The following TRIM49 variants were observed in gnomAD, a reference collection of about 807,000 sequenced individuals.
TRIM49 encodes tripartite motif-containing protein 49.
Under a neutral mutation model 27.4 loss-of-function variants are expected in TRIM49, and 5 were observed. That is an observed-to-expected ratio of 0.18 (90% CI 0.10 to 0.38). The LOEUF (loss-of-function observed/expected upper bound fraction) is 0.38, where lower values mean the gene tolerates loss of function less well. TRIM49 is among the 10% of genes least tolerant of loss of function. The probability of loss-of-function intolerance (pLI) is 1.00; values close to 1 mark genes in which losing one functional copy is unlikely to be tolerated. For synonymous variants in TRIM49, 69 were observed against 166.0 expected (o/e 0.42, Z 4.49); for missense variants, 188 against 487.5 (o/e 0.39, Z 5.79).
At chr11:89,787,913 G>C in the TRIM49 span, 9 of 390,190 alleles carry the variant, frequency 2.3e-5, no homozygotes. Flanking sequence ...GGCAGCTCCC[G>C]GGACCACCGG....
the TRIM49 span, among the ~76,000 whole-genome samples, chr11:89,774,174 G>A: frequency 2.0e-5 from 3 of 150,458 alleles, no homozygotes; most frequent in South Asian, 4.2e-4. Context: ...CTAATTTTTT[G>A]TATTTTTAGT....
At chr11:89,777,330 A>C in the TRIM49 span, 1 of 1,536,554 alleles carries the variant, frequency 6.5e-7, no homozygotes, top group Non-Finnish European at 8.8e-7. Context: ...GCTCTGAGTC[A>C]CCAGAGCACA....
chr11:89,773,862 G>T, the TRIM49 span, among the ~76,000 whole-genome samples: 1 of 135,952 alleles, frequency 7.4e-6, no homozygotes, highest in Non-Finnish European at 1.5e-5. Flanking sequence ...ACTTGAACTG[G>T]AGATGCAGAG....
At chr11:89,766,891 C>G in the TRIM49 span, 1 of 742,090 alleles carries the variant, frequency 1.3e-6, no homozygotes. Flanking sequence ...AGAGCCCAGT[C>G]CCAAGAGTTG....
At chr11:89,791,165 A>T in the TRIM49 span, among the ~76,000 whole-genome samples, 1 of 151,536 alleles carries the variant, frequency 6.6e-6, no homozygotes, top group African/African-American at 2.4e-5. Context: ...GAACAAATGA[A>T]TGAAATGAAG....
the TRIM49 span, among the ~76,000 whole-genome samples, chr11:89,784,302 G>A: frequency 3.5e-4 from 36 of 101,774 alleles, no homozygotes; most frequent in African/African-American, 2.2e-3. Context: ...GGTGTCCAGT[G>A]TTGTCCTTTT....
chr11:89,802,739 T>C (rs1480535543), intron 4 of TRIM49, among the ~76,000 whole-genome samples: 1 of 150,960 alleles, frequency 6.6e-6, no homozygotes, highest in Non-Finnish European at 1.5e-5. Flanking sequence ...TGAGTCTTTT[T>C]TCTGACCACC....
chr11:89,807,848 T>C (rs1389358247), intron 1 of TRIM49, among the ~76,000 whole-genome samples: 6 of 148,336 alleles, frequency 4.0e-5, no homozygotes, highest in Admixed American at 3.3e-4. Flanking sequence ...AATGCTGCTT[T>C]AGTACATTTA....
At chr11:89,770,623 G>A in the TRIM49 span, among the ~76,000 whole-genome samples, 20 of 142,188 alleles carry the variant, frequency 1.4e-4, no homozygotes, top group African/African-American at 5.8e-4. Flanking sequence ...ACTTTGGGAG[G>A]TCGAGGTGGG....
chr11:89,787,489 T>G, the TRIM49 span: 1 of 457,010 alleles, frequency 2.2e-6, no homozygotes, highest in South Asian at 2.7e-5. Flanking sequence ...CGGGCTCCCG[T>G]GAGGAATCCC....
intron 3 of TRIM49, 63 bp from the exon 4 acceptor site, chr11:89,803,856 T>C: frequency 1.2e-6 from 1 of 828,310 alleles, no homozygotes; most frequent in Non-Finnish European, 1.9e-6. Context: ...GGGCCCAGAA[T>C]GAGAGACAAA....
At chr11:89,767,860 G>C in the TRIM49 span, among the ~76,000 whole-genome samples, 5 of 136,158 alleles carry the variant, frequency 3.7e-5, no homozygotes, top group Admixed American at 6.8e-5. Flanking sequence ...ATTTGAAATT[G>C]AAACGTCCTG....
At chr11:89,772,203 T>G in the TRIM49 span, among the ~76,000 whole-genome samples, 738 of 138,464 alleles carry the variant, frequency 5.3e-3, 180 homozygotes, top group African/African-American at 0.023. Context: ...ATTTTCTTAA[T>G]ATTTTCTTTC....
At chr11:89,797,208 A>G (rs993077464), downstream of TRIM49, among the ~76,000 whole-genome samples, 9 of 151,238 alleles carry the variant, frequency 6.0e-5, no homozygotes, top group Admixed American at 1.3e-4. Context: ...ATTTTAGCCA[A>G]TCTTCTGTTG....
At chr11:89,769,236 C>T in the TRIM49 span, among the ~76,000 whole-genome samples, 7 of 131,654 alleles carry the variant, frequency 5.3e-5, 1 homozygote, top group Non-Finnish European at 1.1e-4. Flanking sequence ...CGCATCTGCT[C>T]TTTAGGTTTT....
In TRIM49 at chr11:89,805,122, A is replaced by G. The variant is rs1260455041; in HGVS notation, c.-4-649T>C. Among the ~76,000 whole-genome samples, 3 of 151,770 alleles carry G rather than the reference A, an allele frequency of 2.0e-5. No homozygotes were observed. The East Asian group carries it at 5.8e-4, about 29-fold the overall frequency. On this transcript the variant is annotated intron_variant, in intron 2 of 7. Transcript: ENST00000329758. ...GAAAAAGACTGCAATTAAACTAATC[A>G]AGTTTCACTAGTAGGGAAAAGAAAA...
chr11:89,776,825 A>G, the TRIM49 span, among the ~76,000 whole-genome samples: 1 of 151,100 alleles, frequency 6.6e-6, no homozygotes, highest in Non-Finnish European at 1.5e-5. Context: ...TGCATTTACT[A>G]TGTCTCAGTT....
At chr11:89,767,966 C>A in the TRIM49 span, among the ~76,000 whole-genome samples, 1 of 137,462 alleles carries the variant, frequency 7.3e-6, no homozygotes, top group Non-Finnish European at 1.5e-5. Flanking sequence ...CCTAAAAAGC[C>A]CTTCTGCGTG....
intron 3 of TRIM49, 127 bp downstream of exon 3, chr11:89,803,932 G>C (rs1949761290): frequency 2.0e-6 from 3 of 1,530,574 alleles, no homozygotes; most frequent in Non-Finnish European, 2.7e-6. Flanking sequence ...GAGGTTGGAA[G>C]CTAAGAAAGC....
Sources: gnomAD v4.1 joint callset for allele counts (sites outside exome capture counted in the v4.1 genomes callset) on GRCh38, gnomAD v4.1.1 for gene constraint, MANE v1.5 for transcripts, NCBI Gene and HGNC (gene_info 2026-07-23, HGNC 2026-07-21) for gene names.